The following SFMBT2 variants were observed in gnomAD, a reference collection of about 807,000 sequenced individuals.
SFMBT2 encodes the protein Scm like with four mbt domains 2.
Under a neutral mutation model 110.1 loss-of-function variants are expected in SFMBT2, and 38 were observed. That is an observed-to-expected ratio of 0.35 (90% CI 0.27 to 0.45). SFMBT2 has a LOEUF of 0.45. Ranked by LOEUF, SFMBT2 falls within the 20% of genes least tolerant of loss-of-function variation. SFMBT2 has a pLI of 1.00. For missense variants in SFMBT2, 1,011 were observed against 1,094.9 expected (o/e 0.92, Z 1.08); for synonymous variants, 425 against 425.4 (o/e 1.00, Z 0.01).
intron 15 of SFMBT2, among the ~76,000 whole-genome samples, chr10:7,194,346 G>A (rs1056855929): frequency 6.6e-6 from 1 of 152,162 alleles, no homozygotes; most frequent in Non-Finnish European, 1.5e-5. Context: ...ACTTTTGCCA[G>A]AAACTTCGTC....
intron 4 of SFMBT2, among the ~76,000 whole-genome samples, chr10:7,346,434 C>T (rs915853547): frequency 6.6e-6 from 1 of 152,046 alleles, no homozygotes; most frequent in Admixed American, 6.6e-5. Context: ...CTTTTAGAAC[C>T]GTCTCTTACA....
intron 4 of SFMBT2, among the ~76,000 whole-genome samples, chr10:7,305,684 A>G (rs1207378093): frequency 6.6e-6 from 1 of 152,242 alleles, no homozygotes; most frequent in Non-Finnish European, 1.5e-5. Context: ...TCAATACTGC[A>G]CCATTGACTT....
intron 4 of SFMBT2, among the ~76,000 whole-genome samples, chr10:7,324,169 T>C (rs899850922): frequency 3.9e-5 from 6 of 152,230 alleles, no homozygotes; most frequent in Admixed American, 3.9e-4. Flanking sequence ...GTGAGATTTC[T>C]GAACACTTTA....
At chr10:7,392,235 C>T (rs1297249538) in intron 1 of SFMBT2, among the ~76,000 whole-genome samples, 1 of 152,206 alleles carries the variant, frequency 6.6e-6, no homozygotes, top group Admixed American at 6.5e-5. Context: ...AGTATCCTGC[C>T]TGGGTGCGGT....
intron 2 of SFMBT2, among the ~76,000 whole-genome samples, chr10:7,378,537 T>TG (rs146576653): frequency 0.34 from 7,630 of 22,774 alleles, 2,842 homozygotes; most frequent in Middle Eastern, 0.58. Flanking sequence ...TATGAGTGTG[T>TG]GGGGGGGTGT....
chr10:7,322,593 A>C (rs935629193), intron 4 of SFMBT2, among the ~76,000 whole-genome samples: 3 of 144,314 alleles, frequency 2.1e-5, no homozygotes, highest in African/African-American at 8.3e-5. Context: ...ATTTGAAATG[A>C]AAACTTATGG....
intron 7 of SFMBT2, among the ~76,000 whole-genome samples, chr10:7,261,595 C>T (rs938974263): frequency 4.6e-5 from 7 of 152,146 alleles, no homozygotes; most frequent in Non-Finnish European, 1.0e-4. Flanking sequence ...ATCCAGATGC[C>T]GGCAGGGAAA....
intron 11 of SFMBT2, among the ~76,000 whole-genome samples, chr10:7,210,365 A>C (rs949153147): frequency 6.6e-6 from 1 of 152,146 alleles, no homozygotes; most frequent in Non-Finnish European, 1.5e-5. Flanking sequence ...CACAGGAGAG[A>C]GCGCGAGCAT....
intron 15 of SFMBT2, among the ~76,000 whole-genome samples, chr10:7,190,388 T>C (rs1838560383): frequency 6.6e-6 from 1 of 152,236 alleles, no homozygotes; most frequent in Admixed American, 6.5e-5. Context: ...CAGAGCTGCA[T>C]GTTATTTGCT....
intron 4 of SFMBT2, among the ~76,000 whole-genome samples, chr10:7,306,546 G>A (rs887494527): frequency 3.9e-5 from 6 of 152,108 alleles, no homozygotes; most frequent in East Asian, 1.9e-4. Context: ...GAAAAAGTTC[G>A]CTAACCCCCG....
Position 7,312,028 on chromosome 10 carries a change from G to T in SFMBT2, c.437-26074C>A, listed in dbSNP as rs1680107180. Reference sequence around the variant, plus strand: ...CACTCATAGGTGGGAATTGAACAATGAGAACGCTTGGACACAGGATGGGGA... The same window carrying T: ...CACTCATAGGTGGGAATTGAACAATTAGAACGCTTGGACACAGGATGGGGA... On this transcript the variant is annotated intron_variant, in intron 4 of 20. Transcript: ENST00000397167. 2.0e-5 allele frequency among the ~76,000 whole-genome samples: 3 copies of T among 152,126 alleles called. No individual in the cohort carries two copies. The South Asian group carries it at 6.2e-4, about 32-fold the overall frequency.
chr10:7,180,062 G>C (rs919900900), intron 16 of SFMBT2, among the ~76,000 whole-genome samples: 8 of 152,194 alleles, frequency 5.3e-5, no homozygotes, highest in Non-Finnish European at 8.8e-5. Context: ...CTTCACTGGG[G>C]GGCTTGTTGC....
At chr10:7,366,100 A>G (rs949963785) in intron 4 of SFMBT2, among the ~76,000 whole-genome samples, 1 of 152,194 alleles carries the variant, frequency 6.6e-6, no homozygotes, top group Non-Finnish European at 1.5e-5. Flanking sequence ...ACCTTGGTGC[A>G]GGTGGAAGAG....
chr10:7,370,457 C>A, intron 2 of SFMBT2, 82 bp from the exon 3 acceptor site: 1 of 1,172,970 alleles, frequency 8.5e-7, no homozygotes, highest in Non-Finnish European at 1.3e-6. Flanking sequence ...ACCAGAAAAT[C>A]CTTCATACAA....
At chr10:7,290,703 A>C (rs1842237018) in intron 4 of SFMBT2, among the ~76,000 whole-genome samples, 1 of 151,544 alleles carries the variant, frequency 6.6e-6, no homozygotes, top group Non-Finnish European at 1.5e-5. Context: ...TGGGCATGGT[A>C]GTGGGTGGCT....
At position 7,243,573 on chromosome 10, in the gene SFMBT2, G is replaced by T. The variant is rs773832099; in HGVS notation, c.1105C>A (p.Leu369Ile). The T allele has an allele frequency of 1.1e-6, 1 of 872,830 alleles. No homozygotes were observed. The highest frequency in any genetic ancestry group is 2.4e-5 in the East Asian group (1 of 41,706). 54.1% of individuals were successfully genotyped at this position (872,830 alleles called of 1,614,324 possible). The change falls in exon 9 of 21, where the codon CTC (leucine) becomes ATC (isoleucine). Residue 369 changes from leucine to isoleucine, a missense_variant. Leu to Ile is a conservative substitution (Grantham distance 5). Around this residue, in one of 2 missense-constraint regions of SFMBT2, gnomAD observed 979 missense variants for 1,016.1 expected, o/e 0.96. Transcript: ENST00000397167. ...VQWCLKNGVSLTPPKGYSGQD... is the reference protein window; with the variant it reads ...VQWCLKNGVSITPPKGYSGQD... Reference sequence around the variant, plus strand: ...GAATACAAACCTTTGGGAGGAGTGAGGCTGACTCCATTTTTAAGGCACCAC... The same window carrying T: ...GAATACAAACCTTTGGGAGGAGTGATGCTGACTCCATTTTTAAGGCACCAC...
At chr10:7,205,692 T>C in intron 12 of SFMBT2, 123 bp downstream of exon 12, 1 of 1,419,732 alleles carries the variant, frequency 7.0e-7, no homozygotes, top group Non-Finnish European at 9.3e-7. Context: ...CATGGGTTCT[T>C]GGTGGAAAAT....
intron 4 of SFMBT2, among the ~76,000 whole-genome samples, chr10:7,302,508 GGAA>G (rs1842580723): frequency 6.6e-6 from 1 of 152,206 alleles, no homozygotes; most frequent in African/African-American, 2.4e-5. Flanking sequence ...ATAACCCAGG[GGAA>G]GTTCCTAAAC....
At chr10:7,228,721 TTCTTTCTTTCTTTCCTTTC>T (rs1839992839) in intron 9 of SFMBT2, among the ~76,000 whole-genome samples, 13 of 124,394 alleles carry the variant, frequency 1.0e-4, no homozygotes, top group Admixed American at 2.4e-4. Flanking sequence ...CTTTCTTTCT[TTCTTTCTTTCTTTCCTTTC>T]TCTCTCTCTC....
Sources: gnomAD v4.1 joint callset for allele counts (sites outside exome capture counted in the v4.1 genomes callset) on GRCh38, gnomAD v4.1.1 for gene constraint, gnomAD v4.1.1 regional missense constraint, MANE v1.5 for transcripts, NCBI Gene and HGNC (gene_info 2026-07-23, HGNC 2026-07-21) for gene names.